The following SEM1 variants were observed in gnomAD, a reference collection of about 807,000 sequenced individuals.
SEM1 encodes SEM1 26S proteasome subunit, also known as 26S proteasome complex subunit SEM1.
In SEM1, 3 loss-of-function variants were observed where a neutral mutation model predicts 12.7. That is an observed-to-expected ratio of 0.24 (90% CI 0.11 to 0.61). The LOEUF is 0.61. Ranked by LOEUF, SEM1 falls within the 20% of genes least tolerant of loss-of-function variation. The pLI is 0.88. For missense variants in SEM1, 59 were observed against 81.3 expected (o/e 0.73, Z 1.06); for synonymous variants, 30 against 27.8 (o/e 1.08, Z -0.25).
chr7:96,595,433 G>A (rs975583881), intron 2 of SEM1, among the ~76,000 whole-genome samples: 1 of 152,078 alleles, frequency 6.6e-6, no homozygotes, highest in African/African-American at 2.4e-5. Context: ...GATGACTTGA[G>A]CCCAGGAGGT....
At chr7:96,545,028 C>T (rs1584751818) in intron 2 of SEM1, among the ~76,000 whole-genome samples, 2 of 152,002 alleles carry the variant, frequency 1.3e-5, no homozygotes, top group African/African-American at 4.8e-5. Context: ...ATCCCTTACT[C>T]GTAACCACTT....
intron 1 of SEM1, among the ~76,000 whole-genome samples, chr7:96,706,967 G>C (rs12704873): frequency 0.34 from 52,232 of 152,162 alleles, 10,384 homozygotes; most frequent in East Asian, 0.67. Flanking sequence ...CCAAAGTACA[G>C]AAAGAACTTG....
At chr7:96,698,080 G>C (rs1162363557) in intron 1 of SEM1, among the ~76,000 whole-genome samples, 1 of 152,076 alleles carries the variant, frequency 6.6e-6, no homozygotes, top group Non-Finnish European at 1.5e-5. Context: ...CTGTTGGTGA[G>C]CTTTCAGTTG....
chr7:96,618,721 T>G (rs1397409969), downstream of SEM1, among the ~76,000 whole-genome samples: 2 of 152,102 alleles, frequency 1.3e-5, no homozygotes. Context: ...AATCTTTTAT[T>G]TCTAGAATTT....
intron 2 of SEM1, among the ~76,000 whole-genome samples, chr7:96,587,196 A>G (rs530676317): frequency 6.6e-6 from 1 of 152,212 alleles, no homozygotes; most frequent in Admixed American, 6.5e-5. Context: ...CAGAAATGGT[A>G]ATGTTTAGGT....
intron 2 of SEM1, among the ~76,000 whole-genome samples, chr7:96,575,263 C>A (rs1430249198): frequency 6.6e-6 from 1 of 152,178 alleles, no homozygotes; most frequent in African/African-American, 2.4e-5. Context: ...AGGTCCACTC[C>A]AGACCCTGTT....
chr7:96,686,125 T>G (rs1012372085), downstream of SEM1, among the ~76,000 whole-genome samples: 1 of 152,146 alleles, frequency 6.6e-6, no homozygotes, highest in Non-Finnish European at 1.5e-5. Flanking sequence ...TTGTTTACAA[T>G]AAACAGGCCT....
chr7:96,701,157 CTAA>C (rs1790261174), intron 1 of SEM1, among the ~76,000 whole-genome samples: 1 of 152,034 alleles, frequency 6.6e-6, no homozygotes, highest in African/African-American at 2.4e-5. Flanking sequence ...AAAAAGGAGA[CTAA>C]TGTTTACTGA....
At chr7:96,615,292 AGGCT>A (rs1807680898) in intron 2 of SEM1, among the ~76,000 whole-genome samples, 1 of 121,588 alleles carries the variant, frequency 8.2e-6, no homozygotes, top group African/African-American at 3.1e-5. Flanking sequence ...TCTATTCCCC[AGGCT>A]GGCTGGAGTG....
intron 2 of SEM1, among the ~76,000 whole-genome samples, chr7:96,510,643 G>T (rs1803908709): frequency 6.6e-6 from 1 of 151,990 alleles, no homozygotes; most frequent in African/African-American, 2.4e-5. Flanking sequence ...GATCACAGTT[G>T]GTACAATCTG....
At chr7:96,689,949 T>C (rs1016490207) in intron 2 of SEM1, among the ~76,000 whole-genome samples, 3 of 152,180 alleles carry the variant, frequency 2.0e-5, no homozygotes, top group East Asian at 3.9e-4. Context: ...CCTTCATTTA[T>C]AACAACTTAT....
At chr7:96,676,986 A>C (rs1190614035) in intron 2 of SEM1, among the ~76,000 whole-genome samples, 1 of 152,158 alleles carries the variant, frequency 6.6e-6, no homozygotes, top group Non-Finnish European at 1.5e-5. Flanking sequence ...AGAAAATTAG[A>C]TTTGTTTTCA....
chr7:96,688,465 A>G (rs975383844), downstream of SEM1: 2 of 152,368 alleles, frequency 1.3e-5, no homozygotes, highest in African/African-American at 4.8e-5. Context: ...TATAAATGTC[A>G]GCAAATGTTG....
At chr7:96,588,353 AACACACACACAC>A (rs56655484) in intron 2 of SEM1, among the ~76,000 whole-genome samples, 3,692 of 140,964 alleles carry the variant, frequency 0.026, 145 homozygotes, top group African/African-American at 0.081. Context: ...TCTAAAAACA[AACACACACACAC>A]ACACACACAC....
At chr7:96,661,922 A>G (rs1383256576) in intron 2 of SEM1, among the ~76,000 whole-genome samples, 1 of 142,630 alleles carries the variant, frequency 7.0e-6, no homozygotes, top group African/African-American at 2.6e-5. Context: ...CGGGAGGTAG[A>G]GGTTGTGGTG....
chr7:96,541,276 T>A (rs1040706867), intron 2 of SEM1, among the ~76,000 whole-genome samples: 1 of 151,714 alleles, frequency 6.6e-6, no homozygotes, highest in Non-Finnish European at 1.5e-5. Context: ...TTTTAGTAAT[T>A]GTCATTCTGA....
At position 96,707,680 on chromosome 7, in the gene SEM1, C is replaced by T. The variant is rs565342072; in HGVS notation, c.76+2008G>A. On this transcript the variant is annotated intron_variant, in intron 1 of 2. Coordinates refer to ENST00000248566, the MANE Select transcript of SEM1 (RefSeq NM_006304.2). ...TTTGTTTTGTTTTACTATATAACTA[C>T]TGACACTTTGAAAAATTGCTGCTCA... 9.9e-4 allele frequency among the ~76,000 whole-genome samples: 150 copies of T among 152,190 alleles called. No individual in the cohort carries two copies. In the South Asian group the frequency reaches 0.012, roughly 12 times the overall value.
At chr7:96,708,087 T>C (rs1790525592) in intron 1 of SEM1, 1 of 152,236 alleles carries the variant, frequency 6.6e-6, no homozygotes, top group Non-Finnish European at 1.5e-5. Flanking sequence ...CATTCCACCC[T>C]GTATATGATA....
intron 2 of SEM1, among the ~76,000 whole-genome samples, chr7:96,606,698 G>A (rs1461556784): frequency 5.3e-5 from 8 of 152,150 alleles, no homozygotes; most frequent in African/African-American, 1.7e-4. Flanking sequence ...CATAACTCTT[G>A]GGCATAAAGT....
Sources: allele counts gnomAD v4.1 joint callset (sites outside exome capture counted in the v4.1 genomes callset), GRCh38; gene constraint gnomAD v4.1.1; transcripts MANE v1.5; gene names NCBI Gene and HGNC (gene_info 2026-07-23, HGNC 2026-07-21).